Variants in DOCK4 observed in about 807,000 individuals in gnomAD.
DOCK4 encodes the protein dedicator of cytokinesis protein 4.
DOCK4 carries 97 observed loss-of-function variants against 268.1 expected under a neutral mutation model. That is an observed-to-expected ratio of 0.36 (90% CI 0.31 to 0.43). The LOEUF (loss-of-function observed/expected upper bound fraction) is 0.43. DOCK4 is among the 20% of genes least tolerant of loss of function. The pLI, the probability that DOCK4 is intolerant of heterozygous loss-of-function variation, is 1.00. For synonymous variants in DOCK4, 954 were observed against 887.2 expected, an observed-to-expected ratio of 1.08 and a Z score of -1.34; for missense variants, 2,145 against 2,455.7, an observed-to-expected ratio of 0.87 and a Z score of 2.67.
intron 1 of DOCK4, among the ~76,000 whole-genome samples, chr7:112,044,278 C>T (rs1804642268): frequency 6.6e-6 from 1 of 152,142 alleles, no homozygotes; most frequent in Admixed American, 6.6e-5. Context: ...ACTATATCAG[C>T]ATGAATAAAA....
intron 47 of DOCK4, among the ~76,000 whole-genome samples, chr7:111,740,628 G>A (rs1021576220): frequency 2.0e-5 from 3 of 146,604 alleles, no homozygotes; most frequent in African/African-American, 7.5e-5. Context: ...AGCTACTCAC[G>A]AGGCTGAGGC....
intron 42 of DOCK4, among the ~76,000 whole-genome samples, chr7:111,751,903 A>C (rs1257819374): frequency 6.6e-6 from 1 of 152,054 alleles, no homozygotes; most frequent in Non-Finnish European, 1.5e-5. Flanking sequence ...AGGACTGCAG[A>C]CATATGCCAC....
chr7:112,103,701 G>A (rs1187814057), intron 1 of DOCK4, among the ~76,000 whole-genome samples: 1 of 152,100 alleles, frequency 6.6e-6, no homozygotes, highest in Non-Finnish European at 1.5e-5. Context: ...GGCAAACAGG[G>A]CGAAACCCCG....
intron 36 of DOCK4, among the ~76,000 whole-genome samples, chr7:111,774,937 T>A (rs1389645132): frequency 6.6e-5 from 10 of 152,188 alleles, no homozygotes; most frequent in Non-Finnish European, 5.9e-5. Context: ...TTATAAAACT[T>A]CCCTTACAAA....
At chr7:111,880,917 C>A (rs1361741097) in intron 16 of DOCK4, among the ~76,000 whole-genome samples, 1 of 152,082 alleles carries the variant, frequency 6.6e-6, no homozygotes, top group Non-Finnish European at 1.5e-5. Flanking sequence ...TCACTATATA[C>A]AAAAATCAAA....
chr7:112,091,654 A>G (rs1255104089), intron 1 of DOCK4, among the ~76,000 whole-genome samples: 1 of 152,154 alleles, frequency 6.6e-6, no homozygotes, highest in African/African-American at 2.4e-5. Flanking sequence ...AAAAGAATTC[A>G]AGATACCAGC....
At chr7:111,854,079 G>C (rs966349017) in intron 23 of DOCK4, among the ~76,000 whole-genome samples, 2 of 151,934 alleles carry the variant, frequency 1.3e-5, no homozygotes, top group African/African-American at 4.8e-5. Flanking sequence ...TTCAGGTGCA[G>C]TCCACTGCAC....
intron 8 of DOCK4, among the ~76,000 whole-genome samples, chr7:111,965,018 C>T (rs1317010822): frequency 5.6e-5 from 3 of 53,252 alleles, no homozygotes; most frequent in Non-Finnish European, 8.8e-5. Context: ...GAGATTTTGT[C>T]ACCACCAGGC....
chr7:111,864,312 C>T (rs1189801512), intron 22 of DOCK4, among the ~76,000 whole-genome samples: 3 of 150,544 alleles, frequency 2.0e-5, no homozygotes, highest in Non-Finnish European at 4.4e-5. Context: ...TCTCAAAGGG[C>T]ATACTTAAAA....
At position 111,741,230 on chromosome 7, in the gene DOCK4, A is replaced by C. The variant is rs767477358; in HGVS notation, c.4920-16T>G. 1.2e-6 allele frequency: 2 copies of C among 1,612,686 alleles called. No homozygotes were observed. The highest frequency in any genetic ancestry group is 8.5e-7 in the Non-Finnish European group (1 of 1,179,570). On this transcript the variant is annotated splice_polypyrimidine_tract_variant and intron_variant, in intron 46 of 52. Coordinates refer to ENST00000428084, the MANE Select transcript of DOCK4 (RefSeq NM_001363540.2). Reference sequence around the variant, plus strand: ...ACTTAACGGGCTGTTTCAGGGGGAAAAAAAAGGTCATTAACTCAGTCTCCA... The same window carrying C: ...ACTTAACGGGCTGTTTCAGGGGGAACAAAAAGGTCATTAACTCAGTCTCCA...
chr7:112,087,938 T>G (rs73715421), intron 1 of DOCK4, among the ~76,000 whole-genome samples: 1 of 151,984 alleles, frequency 6.6e-6, no homozygotes, highest in Non-Finnish European at 1.5e-5. Context: ...ACACAAGGTG[T>G]TAAAAAATAT....
At chr7:112,128,310 T>C (rs559943358) in intron 1 of DOCK4, among the ~76,000 whole-genome samples, 19 of 151,430 alleles carry the variant, frequency 1.3e-4, no homozygotes, top group East Asian at 7.8e-4. Context: ...GTCAGCCCCC[T>C]GCCCGGCCAG....
intron 27 of DOCK4, among the ~76,000 whole-genome samples, chr7:111,813,358 A>T (rs982254896): frequency 1.3e-5 from 2 of 149,376 alleles, no homozygotes; most frequent in Non-Finnish European, 2.9e-5. Context: ...AAAAATATAG[A>T]CTTTGAAAGA....
intron 22 of DOCK4, among the ~76,000 whole-genome samples, chr7:111,866,907 C>T (rs1806018153): frequency 6.6e-6 from 1 of 152,186 alleles, no homozygotes; most frequent in Non-Finnish European, 1.5e-5. Context: ...GGTGGATTAT[C>T]CTGCTCAAAT....
At chr7:111,986,689 G>A (rs1411737728) in intron 6 of DOCK4, among the ~76,000 whole-genome samples, 1 of 152,136 alleles carries the variant, frequency 6.6e-6, no homozygotes, top group Non-Finnish European at 1.5e-5. Flanking sequence ...AAAGAACATC[G>A]TGTTGTAGGA....
chr7:112,097,492 G>T (rs1269535975), intron 1 of DOCK4, among the ~76,000 whole-genome samples: 1 of 152,020 alleles, frequency 6.6e-6, no homozygotes, highest in Non-Finnish European at 1.5e-5. Context: ...CAGGAGGGTC[G>T]CTTGAGCCTG....
Position 112,017,017 on chromosome 7 carries a change from T to C in DOCK4, c.38-12886A>G, listed in dbSNP as rs535740568. The stretch of plus-strand genomic sequence containing the variant: ...CGATTAACTGTAATCATCTTCAGGT[T>C]TGAATCAAACTCTCTAGCTTCACTG... On this transcript the variant is annotated intron_variant, in intron 1 of 52. Coordinates refer to ENST00000428084, the MANE Select transcript of DOCK4 (RefSeq NM_001363540.2). Among the ~76,000 whole-genome samples, 33 of 152,334 alleles carry C rather than the reference T, an allele frequency of 2.2e-4. 1 individual carries two copies. In the South Asian group the frequency reaches 6.6e-3, roughly 31 times the overall value.
At chr7:111,773,561 G>T (rs1329585273) in intron 36 of DOCK4, among the ~76,000 whole-genome samples, 4 of 151,710 alleles carry the variant, frequency 2.6e-5, no homozygotes, top group Non-Finnish European at 4.4e-5. Context: ...AAAGTTTACT[G>T]TTTTTTTTCT....
chr7:111,871,560 C>G (rs1340033538), intron 20 of DOCK4, among the ~76,000 whole-genome samples: 1 of 152,166 alleles, frequency 6.6e-6, no homozygotes, highest in Non-Finnish European at 1.5e-5. Flanking sequence ...CTCAGTAAAT[C>G]CTAACATAAA....
Sources: allele counts gnomAD v4.1 joint callset (sites outside exome capture counted in the v4.1 genomes callset), GRCh38; gene constraint gnomAD v4.1.1; transcripts MANE v1.5; gene names NCBI Gene and HGNC (gene_info 2026-07-23, HGNC 2026-07-21).